PER1: variants seen among roughly 807,000 people sequenced by gnomAD.
PER1 encodes the protein period circadian regulator 1.
In PER1, 87 loss-of-function variants were observed where a neutral mutation model predicts 125.9. The ratio of observed to expected loss-of-function variants is 0.69; its 90% confidence interval spans 0.58 to 0.83. The LOEUF (loss-of-function observed/expected upper bound fraction) is 0.83. PER1 is among the 40% of genes least tolerant of loss of function. The pLI is 0.00. For missense variants in PER1, 1,775 were observed against 1,722.8 expected (o/e 1.03, Z -0.54); for synonymous variants, 801 against 714.7 (o/e 1.12, Z -1.93).
chr17:8,150,470 C>T lies in PER1; in HGVS notation c.237G>A (p.Lys79=), dbSNP rs1982786081. The stretch of plus-strand genomic sequence containing the variant: ...CAGTGGTCTCCAGCAGGGCTGAGTC[C>T]TTGCCGTTGCCTGAGGAGGAGCTGT... ...SSHSSSSGNG[K]DSALLETTES... The change falls in exon 2 of 23, where the codon AAG becomes AAA. Residue 79 remains lysine, a synonymous_variant. Coordinates refer to ENST00000317276, the MANE Select transcript of PER1 (RefSeq NM_002616.3). The T allele has an allele frequency of 1.2e-6, 2 of 1,613,924 alleles. No individual in the cohort carries two copies. The highest frequency in any genetic ancestry group is 2.2e-5 in the East Asian group (1 of 44,890).
At chr17:8,148,622 G>A (rs1239272291) in intron 8 of PER1, 22 bp downstream of exon 8, 1 of 1,584,898 alleles carries the variant, frequency 6.3e-7, no homozygotes, top group Non-Finnish European at 8.6e-7. Flanking sequence ...CCCCCACCAG[G>A]CCAGGGCCCT....
intron 1 of PER1, among the ~76,000 whole-genome samples, chr17:8,151,460 C>T (rs1982859432): frequency 6.6e-6 from 1 of 152,104 alleles, no homozygotes; most frequent in Non-Finnish European, 1.5e-5. Flanking sequence ...GGTCACGCAT[C>T]CCTTACATAT....
Position 8,149,540 on chromosome 17 carries a change from C to T in PER1, c.775G>A (p.Ala259Thr), listed in dbSNP as rs1372803113. 7.4e-6 allele frequency: 12 copies of T among 1,613,708 alleles called. No individual in the cohort carries two copies. Among genetic ancestry groups the T allele is most frequent in the Non-Finnish European group, 9.3e-6 (11 of 1,179,970 alleles). Residue 259 changes from alanine to threonine, a missense_variant, in exon 6 of 23, where the codon GCT becomes ACT. Transcript: ENST00000317276. ...FRGTRFSELL[A>T]PQDVGVFYGS... ...TAGAAGACTCCCACATCCTGGGGAG[C>T]CAGGAGCTCAGAGAAGCGGGTACCC... is the stretch of plus-strand genomic sequence containing the variant.
In PER1 at chr17:8,145,958, C is replaced by A; in HGVS notation, c.2218G>T (p.Asp740Tyr). ...HVGDKKPPESDIIMMEDLPGL... is the reference protein window; with the variant it reads ...HVGDKKPPESYIIMMEDLPGL... ...CTGCCCCCCAATTCCACACCCATAC[C>A]CGACTCCGGGGGCTTCTTGTCTCCC... The change falls in exon 17 of 23, where the codon GAC becomes TAC. Residue 740 changes from aspartate to tyrosine, a missense_variant and splice_region_variant. Coordinates refer to ENST00000317276, the MANE Select transcript of PER1 (RefSeq NM_002616.3). The A allele has an allele frequency of 1.3e-6, 2 of 1,598,794 alleles. No individual in the cohort carries two copies. Among genetic ancestry groups the A allele is most frequent in the Non-Finnish European group, 1.7e-6 (2 of 1,172,028 alleles).
intron 5 of PER1, 41 bp downstream of exon 5, chr17:8,149,714 G>A (rs776450786): frequency 2.5e-6 from 4 of 1,612,792 alleles, no homozygotes; most frequent in African/African-American, 2.7e-5. Context: ...GGGAGAAGGA[G>A]TAGGGGTGCG....
chr17:8,152,034 G>A (rs192970441), intron 1 of PER1, among the ~76,000 whole-genome samples: 67 of 152,324 alleles, frequency 4.4e-4, no homozygotes, highest in Non-Finnish European at 2.9e-5. Flanking sequence ...GGCAAACCTG[G>A]GGCCCCTCGA....
chr17:8,144,658 C>A (rs1306700739), intron 18 of PER1, 93 bp downstream of exon 18: 3 of 1,497,168 alleles, frequency 2.0e-6, no homozygotes. Context: ...GCCTGGGTCC[C>A]TGGAGCAGAA....
rs1203754252 is a variant in PER1 at position 8,147,291 on chromosome 17, TATC to T, written c.1585_1587del (p.Asp529del). 6.2e-7 allele frequency: 1 copy of T among 1,613,330 alleles called. No individual in the cohort carries two copies. The highest frequency in any genetic ancestry group is 8.5e-7 in the Non-Finnish European group (1 of 1,179,738). ...GGCCCCTCTGCATCACCCCCGTTGC[TATC>T]ACTGGAGGACCCAGGGCTGTGGAGA... On this transcript the variant is annotated inframe_deletion, in exon 13 of 23. Coordinates refer to ENST00000317276, the MANE Select transcript of PER1 (RefSeq NM_002616.3).
In PER1 at chr17:8,148,291, C is replaced by T. The variant is rs577390336; in HGVS notation, c.1049-32G>A. On this transcript the variant is annotated intron_variant, in intron 8 of 22. Transcript: ENST00000317276. The stretch of plus-strand genomic sequence containing the variant: ...CACAGAGAGTGTGGTCACTGGGTTT[C>T]GTCCAGAATGCCCAACTCCTCAGCC... 21 of 1,574,528 alleles carry T rather than the reference C, an allele frequency of 1.3e-5. No homozygotes were observed. The African/African-American group carries it at 2.0e-4, about 15-fold the overall frequency.
Position 8,141,133 on chromosome 17 carries a change from C to A in PER1, c.3808G>T (p.Glu1270Ter). The A allele has an allele frequency of 1.9e-6, 3 of 1,614,224 alleles. No individual in the cohort carries two copies. In the South Asian group the frequency reaches 3.3e-5, roughly 18 times the overall value. The change falls in exon 23 of 23, where the codon GAG (glutamate) becomes TAG (stop). Residue 1270 changes from glutamate to a stop codon, truncating the protein, a stop_gained. Transcript: ENST00000317276. LOFTEE classifies it high-confidence loss of function. ...ASSSQDLAME[E>*]EEEGRSSSSP... Reference sequence around the variant, plus strand: ...GATGAGCTCCTGCCTTCTTCCTCCTCCTCCATAGCCAAGTCCTGAGAGCTT... The same window carrying A: ...GATGAGCTCCTGCCTTCTTCCTCCTACTCCATAGCCAAGTCCTGAGAGCTT...
Position 8,149,865 on chromosome 17 carries a change from A to G in PER1, c.541T>C (p.Tyr181His). ...CVKQVQANQE[Y>H]YQQWSLEEGE... ...TCCTCCAGGCTCCACTGCTGGTAGT[A>G]TTCCTGGTTGGCTGCAGAGTGGAGG... Residue 181 changes from tyrosine (Y) to histidine (H), a missense_variant, in exon 5 of 23, where the codon TAC becomes CAC. By Grantham distance (83) the Tyr-to-His change is moderately conservative. Transcript: ENST00000317276. 6.2e-7 allele frequency: 1 copy of G among 1,614,148 alleles called. No individual in the cohort carries two copies. The highest frequency in any genetic ancestry group is 8.5e-7 in the Non-Finnish European group (1 of 1,180,034).
chr17:8,149,164 G>C, intron 7 of PER1, 95 bp downstream of exon 7: 1 of 1,139,374 alleles, frequency 8.8e-7, no homozygotes, highest in Non-Finnish European at 1.3e-6. Flanking sequence ...AGTCCAGCCT[G>C]GGTGACAGAG....
At chr17:8,145,534 G>GGCTGATCTCGAGCT (rs1982380620) in intron 17 of PER1, among the ~76,000 whole-genome samples, 1 of 152,026 alleles carries the variant, frequency 6.6e-6, no homozygotes, top group Non-Finnish European at 1.5e-5. Flanking sequence ...ATGTTGCCCA[G>GGCTGATCTCGAGCT]GCTGATCTCG....
chr17:8,144,237 C>G (rs187579980), intron 18 of PER1: 2 of 394,186 alleles, frequency 5.1e-6, no homozygotes, highest in East Asian at 7.9e-5. Context: ...CCAGCCTAGG[C>G]ATTCCTCCTG....
Position 8,146,738 on chromosome 17 carries a change from A to T in PER1, c.1763T>A (p.Leu588His), listed in dbSNP as rs987649903. The T allele has an allele frequency of 6.2e-7, 1 of 1,613,808 alleles. No individual in the cohort carries two copies. Among genetic ancestry groups the T allele is most frequent in the Non-Finnish European group, 8.5e-7 (1 of 1,179,910 alleles). ...PATGTFKAKA[L>H]PCQSPDPELE... ...CTCTGGGTCTGGGGATTGGCAGGGA[A>T]GGGCCTTGGCCTTGAACGTGCCTGT... The change falls in exon 15 of 23, where the codon CTT (leucine) becomes CAT (histidine). Residue 588 changes from leucine (L) to histidine (H), a missense_variant. Physicochemically the swap from Leu to His is moderately conservative, Grantham distance 99. Transcript: ENST00000317276.
chr17:8,148,116 G>T lies in PER1; in HGVS notation c.1128-13C>A. The T allele has an allele frequency of 6.2e-7, 1 of 1,612,804 alleles. No homozygotes were observed. The highest frequency in any genetic ancestry group is 8.5e-7 in the Non-Finnish European group (1 of 1,179,204). On this transcript the variant is annotated splice_polypyrimidine_tract_variant and intron_variant, in intron 9 of 22. Transcript: ENST00000317276. ...CAGGGGGGCAGCCCTGAACGGGAAGGAGGCATCAGAGTGGCCGTGGCCTCA... is the reference window on the plus strand; with the variant it reads ...CAGGGGGGCAGCCCTGAACGGGAAGTAGGCATCAGAGTGGCCGTGGCCTCA...
intron 17 of PER1, among the ~76,000 whole-genome samples, chr17:8,145,324 CT>C (rs398030276): frequency 4.9e-4 from 61 of 125,502 alleles, no homozygotes; most frequent in Admixed American, 9.9e-4. Flanking sequence ...TTTCTTGTTT[CT>C]TTTTTTTTTT....
intron 17 of PER1, 128 bp from the exon 18 acceptor site, chr17:8,145,121 C>G: frequency 9.6e-7 from 1 of 1,036,800 alleles, no homozygotes; most frequent in Non-Finnish European, 1.3e-6. Flanking sequence ...AGCCTGGTCT[C>G]CATGTACGTT....
At position 8,150,806 on chromosome 17, in the gene PER1, T is replaced by A; in HGVS notation, c.-100A>T. 1 of 1,157,212 alleles carries A rather than the reference T, an allele frequency of 8.6e-7. No individual in the cohort carries two copies. Among genetic ancestry groups the A allele is most frequent in the Non-Finnish European group, 1.2e-6 (1 of 832,294 alleles). 71.7% of individuals were successfully genotyped at this position (1,157,212 alleles called of 1,614,324 possible). On this transcript the variant is annotated 5_prime_UTR_variant, in exon 2 of 23. Coordinates refer to ENST00000317276, the MANE Select transcript of PER1 (RefSeq NM_002616.3). Reference sequence around the variant, plus strand: ...GGCTGAGGGAGTGAGGTGGAAGATCTAAGTCTCTGAGGGTTGAGAAGTTCG... The same window carrying A: ...GGCTGAGGGAGTGAGGTGGAAGATCAAAGTCTCTGAGGGTTGAGAAGTTCG...
Sources: allele counts gnomAD v4.1 joint callset (sites outside exome capture counted in the v4.1 genomes callset), GRCh38; gene constraint gnomAD v4.1.1; transcripts MANE v1.5; gene names NCBI Gene and HGNC (gene_info 2026-07-23, HGNC 2026-07-21).